LYST: variants seen among roughly 807,000 people sequenced by gnomAD.
LYST encodes the protein lysosomal-trafficking regulator.
LYST carries 192 observed loss-of-function variants against 413.6 expected under a neutral mutation model. The observed-to-expected ratio is 0.46, with a 90% CI of 0.41 to 0.52. The LOEUF (loss-of-function observed/expected upper bound fraction) is 0.52, where lower values mean the gene tolerates loss of function less well. LYST is among the 20% of genes least tolerant of loss of function. The pLI, the probability that LYST is intolerant of heterozygous loss-of-function variation, is 0.00. For synonymous variants in LYST, 1,525 were observed against 1,567.3 expected, an observed-to-expected ratio of 0.97 and a Z score of 0.64; for missense variants, 3,815 against 4,499.9, an observed-to-expected ratio of 0.85 and a Z score of 4.35.
At position 235,670,218 on chromosome 1, in the gene LYST, T is replaced by C. The variant is rs560208963; in HGVS notation, c.11039-5597A>G. On this transcript the variant is annotated intron_variant, in intron 50 of 52. Transcript: ENST00000389793. ...ACCATATGTAGAAAAGTTTAAGTCT[T>C]AGCCAATAATTGGGTTAGATTGTTC... 5.3e-5 allele frequency among the ~76,000 whole-genome samples: 8 copies of C among 152,326 alleles called. No individual in the cohort carries two copies. The East Asian group carries it at 9.6e-4, about 18-fold the overall frequency.
At chr1:235,811,048 G>A (rs1673404333) in intron 4 of LYST, among the ~76,000 whole-genome samples, 1 of 152,212 alleles carries the variant, frequency 6.6e-6, no homozygotes, top group South Asian at 2.1e-4. Context: ...GGGAGCCTGA[G>A]GCAGGAGAAT....
intron 20 of LYST, 108 bp from the exon 21 acceptor site, chr1:235,766,385 T>C: frequency 2.7e-6 from 2 of 744,286 alleles, no homozygotes; most frequent in East Asian, 5.2e-5. Flanking sequence ...GTTGGTTTAC[T>C]ACTCTAGTCT....
intron 48 of LYST, among the ~76,000 whole-genome samples, chr1:235,679,631 T>C (rs1382762178): frequency 2.0e-5 from 3 of 152,124 alleles, no homozygotes; most frequent in Non-Finnish European, 2.9e-5. Context: ...AACTTCCTTG[T>C]TTCTGCCAGA....
intron 26 of LYST, 47 bp downstream of exon 26, chr1:235,752,997 C>G: frequency 9.4e-7 from 1 of 1,064,026 alleles, no homozygotes; most frequent in East Asian, 2.6e-5. Flanking sequence ...TTTTCCTGTT[C>G]TAAAGTATTT....
rs931667109 is a variant in LYST at position 235,854,829 on chromosome 1, T to C, written c.-98+12014A>G. On this transcript the variant is annotated intron_variant, in intron 1 of 52. Transcript: ENST00000389793. This position sits in a 1 kb window ranked among gnomAD's most constrained non-coding sequence, Gnocchi z 4.1. ...TCTCTTACTTGCAATACTAACAACCTCCTACTTGATCACACTGTCTGGTCT... is the reference window on the plus strand; with the variant it reads ...TCTCTTACTTGCAATACTAACAACCCCCTACTTGATCACACTGTCTGGTCT... 6.6e-6 allele frequency among the ~76,000 whole-genome samples: 1 copy of C among 152,138 alleles called. No individual in the cohort carries two copies. Among genetic ancestry groups the C allele is most frequent in the African/African-American group, 2.4e-5 (1 of 41,430 alleles).
At chr1:235,741,350 C>T in intron 31 of LYST, 72 bp downstream of exon 31, 2 of 1,246,428 alleles carry the variant, frequency 1.6e-6, no homozygotes. Context: ...AGTTTAATTT[C>T]AGTTCTTGTT....
At position 235,664,029 on chromosome 1, in the gene LYST, G is replaced by T; in HGVS notation, c.11222C>A (p.Pro3741His). The part of the protein sequence containing the change: ...VRLWSTWDLK[P>H]VREITFPKSN... ...TTTGGGAAATGTAATTTCTCTCACA[G>T]GCTTTAAGTCCCATGTGCTCCATAA... Residue 3741 changes from proline (P) to histidine (H), a missense_variant, in exon 52 of 53, where the codon CCT becomes CAT. Pro to His is a moderately conservative substitution (Grantham distance 77). Transcript: ENST00000389793. This position sits in a 1 kb window ranked among gnomAD's most constrained non-coding sequence, Gnocchi z 4.5. 6.2e-7 allele frequency: 1 copy of T among 1,613,408 alleles called. No individual in the cohort carries two copies. Among genetic ancestry groups the T allele is most frequent in the South Asian group, 1.1e-5 (1 of 91,066 alleles).
intron 50 of LYST, among the ~76,000 whole-genome samples, chr1:235,670,091 C>G (rs1293959737): frequency 6.6e-6 from 1 of 152,160 alleles, no homozygotes; most frequent in East Asian, 1.9e-4. Flanking sequence ...TTGTAATTAG[C>G]AAACCTCTAT....
chr1:235,800,210 A>G, intron 10 of LYST, 110 bp downstream of exon 10: 1 of 752,456 alleles, frequency 1.3e-6, no homozygotes, highest in South Asian at 1.4e-5. Context: ...TCAGCCTCCC[A>G]AAGTGCTAAG....
intron 1 of LYST, among the ~76,000 whole-genome samples, chr1:235,874,169 A>C (rs984360203): frequency 4.6e-5 from 7 of 152,232 alleles, no homozygotes; most frequent in African/African-American, 1.7e-4. Context: ...TTCTATAAAC[A>C]CCACAATTTT....
At chr1:235,804,186 C>T (rs1351224977) in intron 7 of LYST, among the ~76,000 whole-genome samples, 3 of 152,184 alleles carry the variant, frequency 2.0e-5, no homozygotes, top group Non-Finnish European at 4.4e-5. Context: ...GCATTTAATA[C>T]ACTATCAGGT....
chr1:235,667,669 T>G (rs1658602266), intron 50 of LYST, among the ~76,000 whole-genome samples: 1 of 149,268 alleles, frequency 6.7e-6, no homozygotes, highest in Non-Finnish European at 1.5e-5. Context: ...CCTGTATTCT[T>G]TTTTTTTTTT....
chr1:235,816,724 C>T (rs985106758), intron 3 of LYST, among the ~76,000 whole-genome samples: 5 of 151,964 alleles, frequency 3.3e-5, no homozygotes, highest in African/African-American at 2.4e-5. Flanking sequence ...ACACAGAGAC[C>T]GATGGAACAG....
intron 12 of LYST, 54 bp from the exon 13 acceptor site, chr1:235,788,899 A>G: frequency 6.5e-7 from 1 of 1,530,656 alleles, no homozygotes; most frequent in Non-Finnish European, 9.0e-7. Flanking sequence ...ACAACTGAGT[A>G]GAAAAGTGAA....
At chr1:235,691,177 CAA>C (rs1660624596) in intron 47 of LYST, among the ~76,000 whole-genome samples, 1 of 152,170 alleles carries the variant, frequency 6.6e-6, no homozygotes, top group South Asian at 2.1e-4. Context: ...CTCGGCCTCC[CAA>C]AGCGCTGGGA....
At chr1:235,830,109 T>C in intron 3 of LYST, 117 bp downstream of exon 3, 1 of 730,892 alleles carries the variant, frequency 1.4e-6, no homozygotes, top group Admixed American at 2.3e-5. Context: ...AGTGGAATAA[T>C]GTGAAAGACT....
At position 235,759,569 on chromosome 1, in the gene LYST, T is replaced by G; in HGVS notation, c.6284A>C (p.Gln2095Pro). The G allele has an allele frequency of 6.2e-7, 1 of 1,613,608 alleles. No homozygotes were observed. Among genetic ancestry groups the G allele is most frequent in the South Asian group, 1.1e-5 (1 of 91,078 alleles). ...AGAACGCAGCATATGGGCGGCCATC[T>G]GTTGTGGAATAATATTAGAGGAATT... The part of the protein sequence containing the change: ...GENSSNIIPQ[Q>P]MAAHMLRSRS... The change falls in exon 23 of 53, where the codon CAG (glutamine) becomes CCG (proline). Residue 2095 changes from glutamine to proline, a missense_variant. Gln to Pro is a moderately conservative substitution (Grantham distance 76). This residue lies in a region of LYST where 530 missense variants were observed against 696.5 expected (regional missense o/e 0.76). Transcript: ENST00000389793.
intron 1 of LYST, among the ~76,000 whole-genome samples, chr1:235,845,645 G>C (rs1223398817): frequency 1.3e-5 from 2 of 151,944 alleles, no homozygotes; most frequent in East Asian, 3.9e-4. Context: ...GGCAGTTAGG[G>C]GGGACACGGT....
Position 235,729,138 on chromosome 1 carries a change from C to T in LYST, c.9106+458G>A, listed in dbSNP as rs545928296. Reference sequence around the variant, plus strand: ...ATATTTTGAGAATAAAATTTTCAAACAAATATAACTATATAGGTATCTATG... The same window carrying T: ...ATATTTTGAGAATAAAATTTTCAAATAAATATAACTATATAGGTATCTATG... On this transcript the variant is annotated intron_variant, in intron 37 of 52. Coordinates refer to ENST00000389793, the MANE Select transcript of LYST (RefSeq NM_000081.4). Among the ~76,000 whole-genome samples, 5 of 152,266 alleles carry T rather than the reference C, an allele frequency of 3.3e-5. No individual in the cohort carries two copies. In the South Asian group the frequency reaches 1.0e-3, roughly 32 times the overall value.
Sources: gnomAD v4.1 joint callset for allele counts (sites outside exome capture counted in the v4.1 genomes callset) on GRCh38, gnomAD v4.1.1 for gene constraint, gnomAD v4.1.1 regional missense constraint, Gnocchi (gnomAD v3.1) non-coding constraint, MANE v1.5 for transcripts, NCBI Gene and HGNC (gene_info 2026-07-23, HGNC 2026-07-21) for gene names.